The following KHDC1 variants were observed in gnomAD, a reference collection of about 807,000 sequenced individuals.
KHDC1 encodes the protein KH homology domain-containing protein 1.
KHDC1 carries 21 observed loss-of-function variants against 24.7 expected under a neutral mutation model. That is an observed-to-expected ratio of 0.85 (90% CI 0.60 to 1.23). The LOEUF (loss-of-function observed/expected upper bound fraction) is 1.23, where lower values mean the gene tolerates loss of function less well. Ranked by LOEUF, KHDC1 falls within the 50% of genes most tolerant of loss-of-function variation. KHDC1 has a pLI of 0.00. For missense variants in KHDC1, 274 were observed against 298.5 expected (o/e 0.92, Z 0.61); for synonymous variants, 98 against 111.7 (o/e 0.88, Z 0.77).
chr6:73,246,719 T>G (rs1197854278), intron 2 of KHDC1, among the ~76,000 whole-genome samples: 1 of 152,196 alleles, frequency 6.6e-6, no homozygotes, highest in Admixed American at 6.5e-5. Context: ...CTAAAAAAAT[T>G]TTTTTTCTTT....
chr6:73,272,862 CTTT>C (rs1290318722), intron 2 of KHDC1, among the ~76,000 whole-genome samples: 1 of 109,002 alleles, frequency 9.2e-6, no homozygotes, highest in African/African-American at 4.3e-5. Context: ...TTTTCTTTTT[CTTT>C]TTTTTTTTTT....
At chr6:73,309,051 C>G (rs911028136) in intron 1 of KHDC1, among the ~76,000 whole-genome samples, 4 of 152,184 alleles carry the variant, frequency 2.6e-5, no homozygotes, top group African/African-American at 9.7e-5. Context: ...TCTGAAACTC[C>G]TGACCTCAAG....
intron 2 of KHDC1, among the ~76,000 whole-genome samples, chr6:73,280,675 C>A (rs942780154): frequency 6.6e-6 from 1 of 151,866 alleles, no homozygotes; most frequent in African/African-American, 2.4e-5. Context: ...CATGCACCAC[C>A]ACACACAGCT....
At chr6:73,287,000 C>G (rs1445648872) in intron 2 of KHDC1, among the ~76,000 whole-genome samples, 10 of 152,008 alleles carry the variant, frequency 6.6e-5, no homozygotes. Flanking sequence ...ATAACAGTGG[C>G]CCACACTAAG....
rs572128583 is a variant in KHDC1, at chr6:73,242,766, G to A, written c.207-236C>T. ...TCATCTGATTAGTGCTTGCCTTTCT[G>A]ATGCCCCGGAATCAAAATTTTTTCT... On this transcript the variant is annotated intron_variant, in intron 2 of 4. Transcript: ENST00000370384. Among the ~76,000 whole-genome samples the A allele has an allele frequency of 1.9e-4, 29 of 152,238 alleles. No homozygotes were observed. The South Asian group carries it at 5.8e-3, about 30-fold the overall frequency.
In KHDC1 at chr6:73,259,280, CTTTTTT is replaced by C. The variant is rs59935884; in HGVS notation, c.207-16756_207-16751del. On this transcript the variant is annotated intron_variant, in intron 2 of 4. Coordinates refer to ENST00000370384, the Ensembl canonical transcript of KHDC1. ...GCTTTCTGCTGACAAATCCAATATG[CTTTTTT>C]TTTTTTTTTTTTTTTTTTTGAGACG... Among the ~76,000 whole-genome samples the C allele has an allele frequency of 1.0e-3, 74 of 73,248 alleles. 1 individual carries two copies. Among genetic ancestry groups the C allele is most frequent in the African/African-American group, 2.1e-3 (33 of 15,748 alleles). The allele number at this position is 73,248 out of a possible 152,430, so 48.1% of individuals were successfully genotyped here.
At chr6:73,241,453 A>G (rs939603983) in exon 5 of KHDC1, 3 of 1,414,286 alleles carry the variant, frequency 2.1e-6, no homozygotes, top group African/African-American at 2.8e-5. Flanking sequence ...CTCAGTGTCT[A>G]TCATGTCTTT....
chr6:73,249,350 G>A (rs1766735877), intron 2 of KHDC1, among the ~76,000 whole-genome samples: 1 of 152,112 alleles, frequency 6.6e-6, no homozygotes, highest in South Asian at 2.1e-4. Context: ...TATGTACTGG[G>A]TAGGGGTGGC....
intron 2 of KHDC1, 53 bp from the exon 1 acceptor site, chr6:73,263,249 C>A: frequency 2.4e-5 from 24 of 986,422 alleles, no homozygotes; most frequent in Non-Finnish European, 2.6e-5. Flanking sequence ...CAACCCAGAG[C>A]CCTCCTCCCG....
chr6:73,280,478 T>C (rs1767382273), intron 2 of KHDC1, among the ~76,000 whole-genome samples: 1 of 151,844 alleles, frequency 6.6e-6, no homozygotes, highest in African/African-American at 2.4e-5. Context: ...TATCCTTTTA[T>C]GTGATTTATT....
chr6:73,278,297 G>A (rs1235728267), intron 2 of KHDC1, among the ~76,000 whole-genome samples: 4 of 151,256 alleles, frequency 2.6e-5, no homozygotes, highest in South Asian at 2.1e-4. Context: ...GATTACAGGC[G>A]TGAGCCATGG....
exon 5 of KHDC1, chr6:73,241,653 G>A (rs985482455): frequency 6.2e-7 from 1 of 1,614,170 alleles, no homozygotes; most frequent in Non-Finnish European, 8.5e-7. Flanking sequence ...TCCAGTGTAT[G>A]GTGGCACACT....
chr6:73,293,415 T>G (rs1358776696), intron 1 of KHDC1: 5 of 361,720 alleles, frequency 1.4e-5, no homozygotes, highest in Non-Finnish European at 1.6e-5. Flanking sequence ...ATTGACTGAT[T>G]CAAAAAAATT....
chr6:73,243,036 C>T (rs184030581), intron 2 of KHDC1, among the ~76,000 whole-genome samples: 7 of 152,140 alleles, frequency 4.6e-5, no homozygotes, highest in Admixed American at 3.9e-4. Flanking sequence ...GGGAGCCAAT[C>T]GTAGGAGTTG....
At chr6:73,243,148 G>A (rs1170645131) in intron 2 of KHDC1, among the ~76,000 whole-genome samples, 1 of 152,038 alleles carries the variant, frequency 6.6e-6, no homozygotes, top group East Asian at 1.9e-4. Flanking sequence ...GGGAAGTAAA[G>A]AGATTAATGT....
chr6:73,271,817 C>T (rs1175888114), intron 2 of KHDC1, among the ~76,000 whole-genome samples: 1 of 151,578 alleles, frequency 6.6e-6, no homozygotes, highest in Non-Finnish European at 1.5e-5. Context: ...ATCGCTTGAA[C>T]CTGGGAGGCA....
chr6:73,287,750 C>T (rs749743220), intron 2 of KHDC1, among the ~76,000 whole-genome samples: 2 of 152,186 alleles, frequency 1.3e-5, no homozygotes, highest in Non-Finnish European at 2.9e-5. Context: ...GTAGATTCAG[C>T]ATCATCTGCC....
At chr6:73,262,053 T>C (rs1358036721) in intron 2 of KHDC1, among the ~76,000 whole-genome samples, 9 of 151,468 alleles carry the variant, frequency 5.9e-5, no homozygotes, top group Non-Finnish European at 8.8e-5. Context: ...CCCTCCAGCC[T>C]AGGCAGCAGG....
chr6:73,273,613 G>A (rs913449025), intron 2 of KHDC1, among the ~76,000 whole-genome samples: 4 of 150,750 alleles, frequency 2.7e-5, no homozygotes, highest in Non-Finnish European at 4.4e-5. Context: ...TCAGGAGATC[G>A]AGACCATCCT....
Sources: allele counts gnomAD v4.1 joint callset (sites outside exome capture counted in the v4.1 genomes callset), GRCh38; gene constraint gnomAD v4.1.1; transcripts MANE v1.5; gene names NCBI Gene and HGNC (gene_info 2026-07-23, HGNC 2026-07-21).